Variants in FAM110D observed in about 807,000 individuals in gnomAD.
FAM110D encodes the protein family with sequence similarity 110 member D.
For missense variants in FAM110D, 376 were observed against 395.6 expected, an observed-to-expected ratio of 0.95 and a Z score of 0.42; for synonymous variants, 174 against 189.4, an observed-to-expected ratio of 0.92 and a Z score of 0.67.
Position 26,163,334 on chromosome 1 carries a change from T to C in FAM110D, c.*1227T>C, listed in dbSNP as rs111929503. 2,081 of 9,218 alleles carry C rather than the reference T, an allele frequency of 0.23. 516 individuals carry two copies. Among genetic ancestry groups the C allele is most frequent in the Non-Finnish European group, 0.41 (1,734 of 4,250 alleles). 0.6% of individuals were successfully genotyped at this position (9,218 alleles called of 1,614,324 possible). A position where few individuals can be genotyped will look rare whatever the true frequency, so the allele number is the denominator to read the frequency against. ...CTTTTCTCTCTGCTCTTCCTTCTCT[T>C]TTTTTTTTTTTTTTTTTTTTTTTTT... On this transcript the variant is annotated 3_prime_UTR_variant, in exon 2 of 2. Transcript: ENST00000374268.
intron 1 of FAM110D, among the ~76,000 whole-genome samples, chr1:26,160,383 C>G (rs900125756): frequency 6.6e-6 from 1 of 152,026 alleles, no homozygotes; most frequent in African/African-American, 2.4e-5. Context: ...CATGAGCCAT[C>G]GCGCCTGGCC....
In FAM110D at chr1:26,161,302, C is replaced by T. The variant is rs780195095; in HGVS notation, c.11C>T (p.Ala4Val). 6.3e-7 allele frequency: 1 copy of T among 1,577,040 alleles called. No individual in the cohort carries two copies. The highest frequency in any genetic ancestry group is 1.2e-5 in the South Asian group (1 of 85,980). Residue 4 changes from alanine to valine, a missense_variant, in exon 2 of 2, where the codon GCC (alanine) becomes GTC (valine). Transcript: ENST00000374268. This position sits in a 1 kb window ranked among gnomAD's most constrained non-coding sequence, Gnocchi z 5.4. ...ACCAGCTCTGCTAAGATGCTCCTGG[C>T]CCCTCCCTCCACCCCGTCCAGAGGA... MLL[A>V]PPSTPSRGRT...
Position 26,161,251 on chromosome 1 carries a change from C to A in FAM110D, c.-41C>A. On this transcript the variant is annotated 5_prime_UTR_variant, in exon 2 of 2. The change creates a new upstream start codon in the 5' untranslated region. Coordinates refer to ENST00000374268, the MANE Select transcript of FAM110D (RefSeq NM_024869.3). The surrounding 1 kb of genome is among the most constrained non-coding windows in gnomAD (Gnocchi z 5.4). ...AAGCCAATTGCTCTAGGCCCCGTGG[C>A]TGGCTACTTATGGGGCACTGTCCTG... 1 of 1,480,506 alleles carries A rather than the reference C, an allele frequency of 6.8e-7. No homozygotes were observed. 91.7% of individuals were successfully genotyped at this position (1,480,506 alleles called of 1,614,324 possible).
intron 1 of FAM110D, among the ~76,000 whole-genome samples, chr1:26,159,802 G>A (rs905296452): frequency 6.6e-6 from 1 of 152,018 alleles, no homozygotes; most frequent in African/African-American, 2.4e-5. Context: ...GGGTGTGCAG[G>A]GCCATGTGGG....
In FAM110D at chr1:26,161,581, TG is replaced by T; in HGVS notation, c.291del (p.Asn98ThrfsTer257). ...CAGAAGCGGGACTGCAAGGCTTCGG[TG>T]AACAAAGAGAACGCCAAGGGCCAGG... ...YRQKRDCKAS[V>X]NKENAKGQGL... On this transcript the variant is annotated frameshift_variant, in exon 2 of 2. Transcript: ENST00000374268. LOFTEE classifies it low-confidence loss of function (END_TRUNC). The surrounding 1 kb of genome is among the most constrained non-coding windows in gnomAD (Gnocchi z 5.4). 6.5e-7 allele frequency: 1 copy of T among 1,550,352 alleles called. No homozygotes were observed. Among genetic ancestry groups the T allele is most frequent in the Non-Finnish European group, 8.7e-7 (1 of 1,146,978 alleles).
rs1480955400 is a variant in FAM110D at position 26,161,952 on chromosome 1, CCGGGCGGCG to C, written c.671_679del (p.Ala224_Gly226del). ...ATCCAGCGACAGGGGCGTGGACAGC[CCGGGCGGCG>C]CGGGCGGCGGCGGCGGCTCGGAGGC... is the stretch of plus-strand genomic sequence containing the variant. On this transcript the variant is annotated inframe_deletion, in exon 2 of 2. Coordinates refer to ENST00000374268, the MANE Select transcript of FAM110D (RefSeq NM_024869.3). The surrounding 1 kb of genome is among the most constrained non-coding windows in gnomAD (Gnocchi z 5.4). 3.2e-6 allele frequency: 4 copies of C among 1,252,522 alleles called. No individual in the cohort carries two copies. In the African/African-American group the frequency reaches 4.7e-5, roughly 15 times the overall value. 77.6% of individuals were successfully genotyped at this position (1,252,522 alleles called of 1,614,324 possible).
At position 26,162,068 on chromosome 1, in the gene FAM110D, C is replaced by A. The variant is rs533257626; in HGVS notation, c.777C>A (p.Cys259Ter). 4 of 1,271,290 alleles carry A rather than the reference C, an allele frequency of 3.1e-6. No homozygotes were observed. Among genetic ancestry groups the A allele is most frequent in the Admixed American group, 3.9e-5 (1 of 25,652 alleles). The allele number at this position is 1,271,290 out of a possible 1,614,324, so 78.8% of individuals were successfully genotyped here. Residue 259 changes from cysteine (C) to a stop codon, truncating the protein, a stop_gained, in exon 2 of 2, where the codon TGC becomes TGA. Coordinates refer to ENST00000374268, the MANE Select transcript of FAM110D (RefSeq NM_024869.3). LOFTEE classifies it high-confidence loss of function. The surrounding 1 kb of genome is among the most constrained non-coding windows in gnomAD (Gnocchi z 5.3). ...NARVIQWLYG[C>*]QRARGPPRES... is the part of the protein sequence containing the mutation. ...GCGTCATCCAGTGGCTGTACGGCTGCCAGCGCGCCCGCGGACCGCCGCGCG... is the reference window on the plus strand; with the variant it reads ...GCGTCATCCAGTGGCTGTACGGCTGACAGCGCGCCCGCGGACCGCCGCGCG...
chr1:26,159,641 G>A (rs925647629), intron 1 of FAM110D, among the ~76,000 whole-genome samples: 37 of 150,786 alleles, frequency 2.5e-4, no homozygotes, highest in African/African-American at 8.3e-4. Flanking sequence ...GGGTGCAGGG[G>A]TGGGCTGGAC....
chr1:26,162,825 G>A lies in FAM110D; in HGVS notation c.*718G>A, dbSNP rs2124492515. 1 of 152,280 alleles carries A rather than the reference G, an allele frequency of 6.6e-6. No homozygotes were observed. The highest frequency in any genetic ancestry group is 1.9e-4 in the East Asian group (1 of 5,164). The allele number at this position is 152,280 out of a possible 1,614,324, so 9.4% of individuals were successfully genotyped here. ...GTGGTCACTGGGTATGAAGGGCTGA[G>A]ATCCAACCTTTCGGACACAAAAAGA... On this transcript the variant is annotated 3_prime_UTR_variant, in exon 2 of 2. Coordinates refer to ENST00000374268, the MANE Select transcript of FAM110D (RefSeq NM_024869.3). This position sits in a 1 kb window ranked among gnomAD's most constrained non-coding sequence, Gnocchi z 5.3.
intron 1 of FAM110D, among the ~76,000 whole-genome samples, chr1:26,159,721 T>C (rs1485121986): frequency 6.6e-6 from 1 of 151,648 alleles, no homozygotes; most frequent in Non-Finnish European, 1.5e-5. Context: ...TCTGTTCCTT[T>C]GTTGTCCCCA....
Position 26,161,950 on chromosome 1 carries a change from G to A in FAM110D, c.659G>A (p.Ser220Asn). ...DWTSSDRGVD[S>N]PGGAGGGGGS... ...ACATCCAGCGACAGGGGCGTGGACA[G>A]CCCGGGCGGCGCGGGCGGCGGCGGC... Residue 220 changes from serine to asparagine, a missense_variant, in exon 2 of 2, where the codon AGC (serine) becomes AAC (asparagine). Coordinates refer to ENST00000374268, the MANE Select transcript of FAM110D (RefSeq NM_024869.3). This position sits in a 1 kb window ranked among gnomAD's most constrained non-coding sequence, Gnocchi z 5.4. 8.0e-7 allele frequency: 1 copy of A among 1,253,774 alleles called. No individual in the cohort carries two copies. The highest frequency in any genetic ancestry group is 1.0e-6 in the Non-Finnish European group (1 of 1,004,406). The allele number at this position is 1,253,774 out of a possible 1,614,324, so 77.7% of individuals were successfully genotyped here.
In FAM110D at chr1:26,163,821, C is replaced by G. The variant is rs2088393538; in HGVS notation, c.*1714C>G. 4.7e-6 allele frequency: 1 copy of G among 212,252 alleles called. No homozygotes were observed. The highest frequency in any genetic ancestry group is 5.9e-5 in the Admixed American group (1 of 16,964). The allele number at this position is 212,252 out of a possible 1,614,324, so 13.1% of individuals were successfully genotyped here. ...TCTCTAGTTAATCTTTGACCTTTTT[C>G]CTAGTACAGGGACGGCGCACATAGT... is the stretch of plus-strand genomic sequence containing the variant. On this transcript the variant is annotated 3_prime_UTR_variant, in exon 2 of 2. Transcript: ENST00000374268.
chr1:26,162,070 A>G lies in FAM110D; in HGVS notation c.779A>G (p.Gln260Arg). The change falls in exon 2 of 2, where the codon CAG becomes CGG. Residue 260 changes from glutamine (Q) to arginine (R), a missense_variant. Physicochemically the swap from Gln to Arg is conservative, Grantham distance 43. Transcript: ENST00000374268. The surrounding 1 kb of genome is among the most constrained non-coding windows in gnomAD (Gnocchi z 5.3). ...ARVIQWLYGC[Q>R]RARGPPRESE... ...GTCATCCAGTGGCTGTACGGCTGCC[A>G]GCGCGCCCGCGGACCGCCGCGCGAG... The G allele has an allele frequency of 7.9e-7, 1 of 1,271,536 alleles. No individual in the cohort carries two copies. Among genetic ancestry groups the G allele is most frequent in the South Asian group, 2.9e-5 (1 of 34,660 alleles). 78.8% of individuals were successfully genotyped at this position (1,271,536 alleles called of 1,614,324 possible).
chr1:26,161,592 A>T lies in FAM110D; in HGVS notation c.301A>T (p.Asn101Tyr), dbSNP rs1219733926. ...RDCKASVNKE[N>Y]AKGQGLVRRL... is the part of the protein sequence containing the mutation. ...CTGCAAGGCTTCGGTGAACAAAGAG[A>T]ACGCCAAGGGCCAGGGTCTGGTGCG... Residue 101 changes from asparagine (N) to tyrosine (Y), a missense_variant, in exon 2 of 2, where the codon AAC becomes TAC. By Grantham distance (143) the Asn-to-Tyr change is moderately radical. Coordinates refer to ENST00000374268, the MANE Select transcript of FAM110D (RefSeq NM_024869.3). This position sits in a 1 kb window ranked among gnomAD's most constrained non-coding sequence, Gnocchi z 5.4. 3.9e-6 allele frequency: 6 copies of T among 1,550,324 alleles called. No homozygotes were observed. Among genetic ancestry groups the T allele is most frequent in the Non-Finnish European group, 5.2e-6 (6 of 1,147,028 alleles).
chr1:26,159,560 G>C (rs1222581104), intron 1 of FAM110D, among the ~76,000 whole-genome samples: 1 of 151,276 alleles, frequency 6.6e-6, no homozygotes, highest in Non-Finnish European at 1.5e-5. Flanking sequence ...CAGGGAGGGG[G>C]ACACTGCCAG....
chr1:26,161,314 C>A lies in FAM110D; in HGVS notation c.23C>A (p.Thr8Asn). The change falls in exon 2 of 2, where the codon ACC becomes AAC. Residue 8 changes from threonine (T) to asparagine (N), a missense_variant. Transcript: ENST00000374268. This position sits in a 1 kb window ranked among gnomAD's most constrained non-coding sequence, Gnocchi z 5.4. ...AAGATGCTCCTGGCCCCTCCCTCCACCCCGTCCAGAGGACGGACCCCCAGC... is the reference window on the plus strand; with the variant it reads ...AAGATGCTCCTGGCCCCTCCCTCCAACCCGTCCAGAGGACGGACCCCCAGC... MLLAPPS[T>N]PSRGRTPSAV... 6.3e-7 allele frequency: 1 copy of A among 1,585,526 alleles called. No individual in the cohort carries two copies. The highest frequency in any genetic ancestry group is 8.6e-7 in the Non-Finnish European group (1 of 1,166,244).
At position 26,162,129 on chromosome 1, in the gene FAM110D, C is replaced by A; in HGVS notation, c.*22C>A. 1.6e-6 allele frequency: 2 copies of A among 1,239,846 alleles called. No individual in the cohort carries two copies. Among genetic ancestry groups the A allele is most frequent in the Non-Finnish European group, 2.0e-6 (2 of 986,200 alleles). 76.8% of individuals were successfully genotyped at this position (1,239,846 alleles called of 1,614,324 possible). On this transcript the variant is annotated 3_prime_UTR_variant, in exon 2 of 2. Transcript: ENST00000374268. This position sits in a 1 kb window ranked among gnomAD's most constrained non-coding sequence, Gnocchi z 5.3. Reference sequence around the variant, plus strand: ...GTGACCGCCGCGGCTCCGGACTGGCCCCGGGACTGGCCCCGGGCACGGAAA... The same window carrying A: ...GTGACCGCCGCGGCTCCGGACTGGCACCGGGACTGGCCCCGGGCACGGAAA...
chr1:26,161,825 G>T lies in FAM110D; in HGVS notation c.534G>T (p.Val178=). The change falls in exon 2 of 2, where the codon GTG becomes GTT. Residue 178 remains valine, a synonymous_variant. Coordinates refer to ENST00000374268, the MANE Select transcript of FAM110D (RefSeq NM_024869.3). The surrounding 1 kb of genome is among the most constrained non-coding windows in gnomAD (Gnocchi z 5.4). ...YCGLERALVE[V]LGAERFSPQS... is the part of the protein sequence containing the mutation. ...GCCTGGAGCGCGCGCTGGTGGAGGT[G>T]CTGGGCGCAGAGCGCTTCTCCCCGC... 1 of 1,545,690 alleles carries T rather than the reference G, an allele frequency of 6.5e-7. No homozygotes were observed. The highest frequency in any genetic ancestry group is 1.4e-5 in the African/African-American group (1 of 73,012).
In FAM110D at chr1:26,161,343, G is replaced by A. The variant is rs769533703; in HGVS notation, c.52G>A (p.Val18Met). 1.3e-6 allele frequency: 2 copies of A among 1,593,094 alleles called. No individual in the cohort carries two copies. The highest frequency in any genetic ancestry group is 1.1e-5 in the South Asian group (1 of 87,872). ...TPSRGRTPSAVERLEADKAKY... is the reference protein window; with the variant it reads ...TPSRGRTPSAMERLEADKAKY... ...GTCCAGAGGACGGACCCCCAGCGCC[G>A]TGGAGAGGCTGGAAGCCGACAAAGC... The change falls in exon 2 of 2, where the codon GTG becomes ATG. Residue 18 changes from valine to methionine, a missense_variant. Coordinates refer to ENST00000374268, the MANE Select transcript of FAM110D (RefSeq NM_024869.3). This position sits in a 1 kb window ranked among gnomAD's most constrained non-coding sequence, Gnocchi z 5.4.
Sources: gnomAD v4.1 joint callset for allele counts (sites outside exome capture counted in the v4.1 genomes callset) on GRCh38, gnomAD v4.1.1 for gene constraint, Gnocchi (gnomAD v3.1) non-coding constraint, MANE v1.5 for transcripts, NCBI Gene and HGNC (gene_info 2026-07-23, HGNC 2026-07-21) for gene names.